Variants in SLC7A1 observed in about 807,000 individuals in gnomAD.
The protein encoded by SLC7A1 is solute carrier family 7 member 1.
SLC7A1 carries 10 observed loss-of-function variants against 53.9 expected under a neutral mutation model. That is an observed-to-expected ratio of 0.19 (90% CI 0.11 to 0.31). SLC7A1 has a LOEUF of 0.31. Among genes scored for constraint, SLC7A1 ranks in the 10% least tolerant of loss-of-function variants. The pLI is 1.00. For synonymous variants in SLC7A1, 342 were observed against 338.7 expected, an observed-to-expected ratio of 1.01 and a Z score of -0.11; for missense variants, 525 against 827.2, an observed-to-expected ratio of 0.63 and a Z score of 4.48.
intron 2 of SLC7A1, among the ~76,000 whole-genome samples, chr13:29,549,792 G>A (rs1413888466): frequency 6.6e-6 from 1 of 152,102 alleles, no homozygotes; most frequent in Non-Finnish European, 1.5e-5. Flanking sequence ...AGCCTCCTGA[G>A]TAGCTGGGAC....
rs1883355382 is a variant in SLC7A1 at position 29,510,412 on chromosome 13, C to G, written c.*4068G>C. 6.6e-6 allele frequency: 1 copy of G among 152,558 alleles called. No homozygotes were observed. Among genetic ancestry groups the G allele is most frequent in the African/African-American group, 2.4e-5 (1 of 41,438 alleles). 9.5% of individuals were successfully genotyped at this position (152,558 alleles called of 1,614,324 possible). A position where few individuals can be genotyped will look rare whatever the true frequency, so the allele number is the denominator to read the frequency against. ...GGATCAACAGTAATCAATTTCATGA[C>G]TCGGATAAGGTCCCCAGGAGCCTGG... On this transcript the variant is annotated 3_prime_UTR_variant, in exon 13 of 13. Transcript: ENST00000380752.
At chr13:29,556,689 T>C (rs1336280512) in intron 1 of SLC7A1, among the ~76,000 whole-genome samples, 1 of 152,212 alleles carries the variant, frequency 6.6e-6, no homozygotes, top group Non-Finnish European at 1.5e-5. Context: ...AAAATTTTAA[T>C]TTCCAATTCA....
intron 2 of SLC7A1, among the ~76,000 whole-genome samples, chr13:29,552,844 T>C (rs898065721): frequency 6.6e-6 from 1 of 152,038 alleles, no homozygotes; most frequent in East Asian, 1.9e-4. Flanking sequence ...CATTCTATAT[T>C]TCTGTGTGTG....
intron 2 of SLC7A1, among the ~76,000 whole-genome samples, chr13:29,547,567 G>T (rs915247637): frequency 2.6e-5 from 4 of 152,220 alleles, no homozygotes; most frequent in African/African-American, 9.7e-5. Flanking sequence ...AGTGCAGGAA[G>T]AAGTGAGGCA....
intron 10 of SLC7A1, 33 bp from the exon 11 acceptor site, chr13:29,517,343 C>T (rs751401018): frequency 1.3e-6 from 2 of 1,582,322 alleles, no homozygotes; most frequent in African/African-American, 1.4e-5. Context: ...CAAGCTGCAA[C>T]TCAACCATTT....
intron 5 of SLC7A1, 134 bp from the exon 6 acceptor site, chr13:29,524,387 C>T (rs1219714995): frequency 5.3e-6 from 6 of 1,142,732 alleles, no homozygotes; most frequent in Non-Finnish European, 6.2e-6. Context: ...CCCTGGGCTT[C>T]AGACGCTGAG....
In SLC7A1 at chr13:29,524,267, C is replaced by T; in HGVS notation, c.705-14G>A. The T allele has an allele frequency of 6.2e-7, 1 of 1,614,036 alleles. No individual in the cohort carries two copies. The highest frequency in any genetic ancestry group is 8.5e-7 in the Non-Finnish European group (1 of 1,179,954). ...TCTTTTGTGTCACTAGAAAAAAGAG[C>T]CGCAAACAAATGTCACGTCACTCGC... On this transcript the variant is annotated splice_polypyrimidine_tract_variant and intron_variant, in intron 5 of 12. Coordinates refer to ENST00000380752, the MANE Select transcript of SLC7A1 (RefSeq NM_003045.5).
In SLC7A1 at chr13:29,562,926, A is replaced by G. The variant is rs371009903; in HGVS notation, c.-114-9066T>C. Among the ~76,000 whole-genome samples, 24 of 152,352 alleles carry G rather than the reference A, an allele frequency of 1.6e-4. No homozygotes were observed. In the South Asian group the frequency reaches 4.4e-3, roughly 28 times the overall value. ...CTCATTTTGCACCCAGGAAAAGACCATTTGGCTCAAAATTGCATGATTCAT... is the reference window on the plus strand; with the variant it reads ...CTCATTTTGCACCCAGGAAAAGACCGTTTGGCTCAAAATTGCATGATTCAT... On this transcript the variant is annotated intron_variant, in intron 1 of 12. Transcript: ENST00000380752.
chr13:29,543,207 C>G (rs1164113716), intron 2 of SLC7A1, among the ~76,000 whole-genome samples: 1 of 152,170 alleles, frequency 6.6e-6, no homozygotes, highest in Admixed American at 6.5e-5. Context: ...AGGTCTGTCT[C>G]AAAAGGCCAC....
At chr13:29,549,312 C>G (rs1456541990) in intron 2 of SLC7A1, among the ~76,000 whole-genome samples, 1 of 152,186 alleles carries the variant, frequency 6.6e-6, no homozygotes, top group Non-Finnish European at 1.5e-5. Context: ...CAAGGCAGCC[C>G]AGGATGCGGG....
At chr13:29,553,564 C>T (rs1164090508) in intron 2 of SLC7A1, among the ~76,000 whole-genome samples, 197 bp downstream of exon 2, 2 of 152,246 alleles carry the variant, frequency 1.3e-5, no homozygotes, top group Middle Eastern at 3.4e-3. Context: ...TCTGCTGGGT[C>T]AATGGGTCTG....
intron 1 of SLC7A1, among the ~76,000 whole-genome samples, chr13:29,592,965 C>G (rs957858366): frequency 1.3e-5 from 2 of 152,028 alleles, no homozygotes; most frequent in African/African-American, 4.8e-5. Context: ...AGGCCATGGG[C>G]AGCAAGGAGA....
intron 3 of SLC7A1, 68 bp downstream of exon 3, chr13:29,535,751 C>T: frequency 6.5e-7 from 1 of 1,533,846 alleles, no homozygotes; most frequent in East Asian, 2.3e-5. Context: ...GGCATCCACC[C>T]ACACTTTGGA....
chr13:29,593,934 C>T (rs961227199), intron 1 of SLC7A1, among the ~76,000 whole-genome samples: 3 of 152,176 alleles, frequency 2.0e-5, no homozygotes, highest in East Asian at 1.9e-4. Context: ...TAAACATGAT[C>T]GTAATATGCT....
chr13:29,567,712 C>T (rs115224466), intron 1 of SLC7A1, among the ~76,000 whole-genome samples: 3,869 of 152,246 alleles, frequency 0.025, 167 homozygotes, highest in African/African-American at 0.088. Context: ...CTAAAGAAGC[C>T]CACAAAGACA....
chr13:29,555,208 A>G (rs1593563659), intron 1 of SLC7A1, among the ~76,000 whole-genome samples: 1 of 148,124 alleles, frequency 6.8e-6, no homozygotes, highest in East Asian at 2.0e-4. Context: ...AATACAAAAA[A>G]TTAGCCGGGC....
chr13:29,586,437 A>C (rs1442154735), intron 1 of SLC7A1, among the ~76,000 whole-genome samples: 3 of 152,222 alleles, frequency 2.0e-5, no homozygotes, highest in Non-Finnish European at 2.9e-5. Context: ...TTTCTGTGCA[A>C]ATACATATAT....
chr13:29,580,979 C>T (rs1049637753), intron 1 of SLC7A1, among the ~76,000 whole-genome samples: 2 of 152,246 alleles, frequency 1.3e-5, no homozygotes, highest in Non-Finnish European at 1.5e-5. Flanking sequence ...CGGAGAAGAG[C>T]CAGCCTTGGC....
intron 2 of SLC7A1, among the ~76,000 whole-genome samples, chr13:29,540,806 C>T (rs753042333): frequency 1.3e-5 from 2 of 152,214 alleles, no homozygotes; most frequent in African/African-American, 4.8e-5. Flanking sequence ...CTTTCACCCT[C>T]GCAGGAGAAA....
Sources: allele counts gnomAD v4.1 joint callset (sites outside exome capture counted in the v4.1 genomes callset), GRCh38; gene constraint gnomAD v4.1.1; transcripts MANE v1.5; gene names NCBI Gene and HGNC (gene_info 2026-07-23, HGNC 2026-07-21).